RTL6: variants seen among roughly 807,000 people sequenced by gnomAD.
RTL6 encodes the protein retrotransposon Gag-like protein 6.
Under a neutral mutation model 12.4 loss-of-function variants are expected in RTL6, and 9 were observed. The observed-to-expected ratio is 0.73, with a 90% CI of 0.44 to 1.27. The LOEUF (loss-of-function observed/expected upper bound fraction) is 1.27. Among genes scored for constraint, RTL6 ranks in the 50% most tolerant of loss-of-function variants. The pLI, the probability that RTL6 is intolerant of heterozygous loss-of-function variation, is 0.00. For synonymous variants in RTL6, 160 were observed against 142.8 expected, an observed-to-expected ratio of 1.12 and a Z score of -0.86; for missense variants, 291 against 330.7, an observed-to-expected ratio of 0.88 and a Z score of 0.93.
rs1924480344 is a variant in RTL6 at position 44,497,285 on chromosome 22, G to C, written c.272C>G (p.Thr91Ser). 6.2e-7 allele frequency: 1 copy of C among 1,614,236 alleles called. No homozygotes were observed. Among genetic ancestry groups the C allele is most frequent in the African/African-American group, 1.3e-5 (1 of 75,078 alleles). Residue 91 changes from threonine to serine, a missense_variant, in exon 2 of 2, where the codon ACT becomes AGT. Physicochemically the swap from Thr to Ser is moderately conservative, Grantham distance 58. Coordinates refer to ENST00000341255, the MANE Select transcript of RTL6 (RefSeq NM_032287.3). ...GGTTGGAGGTGTGGTCATGGGTCGA[G>C]TCCCGTTTGAAGTAATTGAGGAGAT... ...PPISSITSNGTRPMTTPPTSL... is the reference protein window; with the variant it reads ...PPISSITSNGSRPMTTPPTSL...
Position 44,497,317 on chromosome 22 carries a change from G to T in RTL6, c.240C>A (p.Thr80=). ...TTGAAGTAATTGAGGAGATGGGCGG[G>T]GTGATCTGCAGAGCCCCCGGGATCC... ...RARIPGALQI[T]PPISSITSNG... The change falls in exon 2 of 2, where the codon ACC becomes ACA. Residue 80 remains threonine (T), a synonymous_variant. Coordinates refer to ENST00000341255, the MANE Select transcript of RTL6 (RefSeq NM_032287.3). The T allele has an allele frequency of 2.5e-6, 4 of 1,613,832 alleles. No homozygotes were observed. Among genetic ancestry groups the T allele is most frequent in the Non-Finnish European group, 3.4e-6 (4 of 1,179,736 alleles).
In RTL6 at chr22:44,497,622, G is replaced by A; in HGVS notation, c.-66C>T. 2 of 1,553,932 alleles carry A rather than the reference G, an allele frequency of 1.3e-6. No homozygotes were observed. The highest frequency in any genetic ancestry group is 1.2e-5 in the South Asian group (1 of 81,646). On this transcript the variant is annotated 5_prime_UTR_variant, in exon 2 of 2. Transcript: ENST00000341255. ...ACCAAGAGGGTGTGGTGACCAGGTG[G>A]GCCCCTGTAGAAATGGGGGCAGTGT...
Position 44,497,525 on chromosome 22 carries a change from C to G in RTL6, c.32G>C (p.Ser11Thr). Residue 11 changes from serine (S) to threonine (T), a missense_variant, in exon 2 of 2, where the codon AGC (serine) becomes ACC (threonine). Around this residue, in one of 3 missense-constraint regions of RTL6, gnomAD observed 155 missense variants for 149.2 expected, o/e 1.04. Coordinates refer to ENST00000341255, the MANE Select transcript of RTL6 (RefSeq NM_032287.3). MVQPQTSKAE[S>T]PALAASPNAQ... is the part of the protein sequence containing the mutation. Reference sequence around the variant, plus strand: ...ATTCGGAGACGCTGCCAAGGCTGGGCTTTCAGCTTTGGACGTCTGCGGCTG... The same window carrying G: ...ATTCGGAGACGCTGCCAAGGCTGGGGTTTCAGCTTTGGACGTCTGCGGCTG... The G allele has an allele frequency of 2.5e-6, 4 of 1,614,010 alleles. No homozygotes were observed. The highest frequency in any genetic ancestry group is 3.4e-6 in the Non-Finnish European group (4 of 1,180,008).
Position 44,496,835 on chromosome 22 carries a change from T to G in RTL6, c.*2A>C. On this transcript the variant is annotated 3_prime_UTR_variant, in exon 2 of 2. Coordinates refer to ENST00000341255, the MANE Select transcript of RTL6 (RefSeq NM_032287.3). Reference sequence around the variant, plus strand: ...CAGACGCTACCAAGTGCTGGCGGATTCTTAAAGATTCCGTGCTCGGGCAGG... The same window carrying G: ...CAGACGCTACCAAGTGCTGGCGGATGCTTAAAGATTCCGTGCTCGGGCAGG... The G allele has an allele frequency of 6.5e-7, 1 of 1,546,276 alleles. No individual in the cohort carries two copies. Among genetic ancestry groups the G allele is most frequent in the East Asian group, 2.3e-5 (1 of 44,200 alleles).
At position 44,493,119 on chromosome 22, in the gene RTL6, G is replaced by GAGAT. The variant is rs1246651696; in HGVS notation, c.*3714_*3717dup. On this transcript the variant is annotated 3_prime_UTR_variant, in exon 2 of 2. Coordinates refer to ENST00000341255, the MANE Select transcript of RTL6 (RefSeq NM_032287.3). ...ATAAAATATTTAGTAATCATAAGGGGAGATGCCCACGATATGCTAAGTGAA... is the reference window on the plus strand; with the variant it reads ...ATAAAATATTTAGTAATCATAAGGGGAGATAGATGCCCACGATATGCTAAGTGAA... 3 of 152,158 alleles carry GAGAT rather than the reference G, an allele frequency of 2.0e-5. No homozygotes were observed. Among genetic ancestry groups the GAGAT allele is most frequent in the Non-Finnish European group, 2.9e-5 (2 of 68,034 alleles). 9.4% of individuals were successfully genotyped at this position (152,158 alleles called of 1,614,324 possible). A position where few individuals can be genotyped will look rare whatever the true frequency, so the allele number is the denominator to read the frequency against.
Position 44,495,896 on chromosome 22 carries a change from AG to A in RTL6, c.*940del. Reference sequence around the variant, plus strand: ...AGGCTCGCCATCAGTGACAGGGGGTAGAAGCAGGAGTGACTGAGCATCAGCC... The same window carrying A: ...AGGCTCGCCATCAGTGACAGGGGGTAAAGCAGGAGTGACTGAGCATCAGCC... On this transcript the variant is annotated 3_prime_UTR_variant, in exon 2 of 2. Transcript: ENST00000341255. 1 of 152,400 alleles carries A rather than the reference AG, an allele frequency of 6.6e-6. No homozygotes were observed. The highest frequency in any genetic ancestry group is 6.5e-5 in the Admixed American group (1 of 15,282). The allele number at this position is 152,400 out of a possible 1,614,324, so 9.4% of individuals were successfully genotyped here.
At position 44,497,057 on chromosome 22, in the gene RTL6, T is replaced by C. The variant is rs764076282; in HGVS notation, c.500A>G (p.Gln167Arg). ...TCTCCGCAACTCTGCCAGGAACCCC[T>C]GATAGTTGTTGCGCAAGGGGCTGTC... ...QPDSPLRNNY[Q>R]GFLAELRRTY... Residue 167 changes from glutamine to arginine, a missense_variant, in exon 2 of 2, where the codon CAG (glutamine) becomes CGG (arginine). By Grantham distance (43) the Gln-to-Arg change is conservative. Coordinates refer to ENST00000341255, the MANE Select transcript of RTL6 (RefSeq NM_032287.3). 2 of 1,614,058 alleles carry C rather than the reference T, an allele frequency of 1.2e-6. No homozygotes were observed. The highest frequency in any genetic ancestry group is 1.1e-5 in the South Asian group (1 of 91,084).
rs749205778 is a variant in RTL6, at chr22:44,497,386, C to T, written c.171G>A (p.Leu57=). 5.0e-6 allele frequency: 8 copies of T among 1,613,808 alleles called. No individual in the cohort carries two copies. In the South Asian group the frequency reaches 5.5e-5, roughly 11 times the overall value. Residue 57 remains leucine (L), a synonymous_variant, in exon 2 of 2, where the codon CTG becomes CTA. Coordinates refer to ENST00000341255, the MANE Select transcript of RTL6 (RefSeq NM_032287.3). The part of the protein sequence containing the change: ...RAEKANLTNM[L]ESVMAELTLL... The stretch of plus-strand genomic sequence containing the variant: ...AGGTCAGCTCTGCCATCACGCTCTC[C>T]AGCATGTTGGTGAGATTGGCCTTCT...
In RTL6 at chr22:44,497,542, C is replaced by T; in HGVS notation, c.15G>A (p.Gln5=). Residue 5 remains glutamine, a synonymous_variant, in exon 2 of 2, where the codon CAG becomes CAA. Coordinates refer to ENST00000341255, the MANE Select transcript of RTL6 (RefSeq NM_032287.3). The part of the protein sequence containing the change: MVQP[Q]TSKAESPALA... ...AGGCTGGGCTTTCAGCTTTGGACGTCTGCGGCTGCACCATGCTGGCCAGAG... is the reference window on the plus strand; with the variant it reads ...AGGCTGGGCTTTCAGCTTTGGACGTTTGCGGCTGCACCATGCTGGCCAGAG... The T allele has an allele frequency of 1.9e-6, 3 of 1,613,652 alleles. No homozygotes were observed. Among genetic ancestry groups the T allele is most frequent in the Non-Finnish European group, 8.5e-7 (1 of 1,179,908 alleles).
In RTL6 at chr22:44,495,669, C is replaced by CCG. The variant is rs539147495; in HGVS notation, c.*1167_*1168insCG. ...GGTTGCCAGAGGCAGACACCCCCCC[C>CCG]GGCCTTAAGTGCTTAAGGATGTTTC... On this transcript the variant is annotated 3_prime_UTR_variant, in exon 2 of 2. Coordinates refer to ENST00000341255, the MANE Select transcript of RTL6 (RefSeq NM_032287.3). The CCG allele has an allele frequency of 1.7e-3, 262 of 152,290 alleles. 1 individual carries two copies. The highest frequency in any genetic ancestry group is 6.2e-3 in the African/African-American group (257 of 41,532). The allele number at this position is 152,290 out of a possible 1,614,324, so 9.4% of individuals were successfully genotyped here.
chr22:44,497,249 T>G lies in RTL6; in HGVS notation c.308A>C (p.Glu103Ala), dbSNP rs1183405118. ...PMTTPPTSLP[E>A]PFSGDPGRLA... ...CCGGCCTGGGTCCCCGGAAAAGGGC[T>G]CGGGCAGAGAGGTTGGAGGTGTGGT... Residue 103 changes from glutamate to alanine, a missense_variant, in exon 2 of 2, where the codon GAG becomes GCG. Glu to Ala is a moderately radical substitution (Grantham distance 107, BLOSUM62 -1). Transcript: ENST00000341255. 2 of 1,614,164 alleles carry G rather than the reference T, an allele frequency of 1.2e-6. No homozygotes were observed. Among genetic ancestry groups the G allele is most frequent in the Non-Finnish European group, 1.7e-6 (2 of 1,180,036 alleles).
chr22:44,497,199 C>A lies in RTL6; in HGVS notation c.358G>T (p.Asp120Tyr). Residue 120 changes from aspartate (D) to tyrosine (Y), a missense_variant, in exon 2 of 2, where the codon GAC becomes TAC. Physicochemically the swap from Asp to Tyr is radical, Grantham distance 160. Transcript: ENST00000341255. ...GRLAGFLMQM[D>Y]RFMIFQASRF... ...GAGGCCTGGAAGATCATGAATCTGT[C>A]CATCTGCATCAGGAACCCCGCCAAC... The A allele has an allele frequency of 6.2e-7, 1 of 1,614,152 alleles. No individual in the cohort carries two copies. The highest frequency in any genetic ancestry group is 1.1e-5 in the South Asian group (1 of 91,086).
rs1924444616 is a variant in RTL6 at position 44,496,282 on chromosome 22, A to T, written c.*555T>A. ...CCACTCGACCACTACAGCACAGATG[A>T]GGCCCTGCCCGCTGCACCGGGCCCT... is the stretch of plus-strand genomic sequence containing the variant. On this transcript the variant is annotated 3_prime_UTR_variant, in exon 2 of 2. Transcript: ENST00000341255. 6.4e-6 allele frequency: 1 copy of T among 155,276 alleles called. No homozygotes were observed. The highest frequency in any genetic ancestry group is 1.4e-5 in the Non-Finnish European group (1 of 70,396). 9.6% of individuals were successfully genotyped at this position (155,276 alleles called of 1,614,324 possible). A position where few individuals can be genotyped will look rare whatever the true frequency, so the allele number is the denominator to read the frequency against.
In RTL6 at chr22:44,497,672, C is replaced by T. The variant is rs575468369; in HGVS notation, c.-116G>A. ...TGGGGTGCACGACGGCAGGGCGCTG[C>T]GAGACCCCCAAGCCGAGGGCCCGAG... On this transcript the variant is annotated 5_prime_UTR_variant, in exon 2 of 2. Transcript: ENST00000341255. The T allele has an allele frequency of 1.4e-5, 20 of 1,387,756 alleles. No homozygotes were observed. In the East Asian group the frequency reaches 5.0e-4, roughly 35 times the overall value. 86.0% of individuals were successfully genotyped at this position (1,387,756 alleles called of 1,614,324 possible).
rs1289732882 is a variant in RTL6 at position 44,494,888 on chromosome 22, GCCA to G, written c.*1946_*1948del. ...ACCTTCCAGGTGCCTTTTCCCAGGT[GCCA>G]CTGTACCCCTTCACTTGGGGGCACC... is the stretch of plus-strand genomic sequence containing the variant. On this transcript the variant is annotated 3_prime_UTR_variant, in exon 2 of 2. Transcript: ENST00000341255. 2 of 152,608 alleles carry G rather than the reference GCCA, an allele frequency of 1.3e-5. No individual in the cohort carries two copies. The highest frequency in any genetic ancestry group is 3.9e-4 in the East Asian group (2 of 5,188). The allele number at this position is 152,608 out of a possible 1,614,324, so 9.5% of individuals were successfully genotyped here.
At position 44,497,420 on chromosome 22, in the gene RTL6, AGGGTGGAAG is replaced by A; in HGVS notation, c.128_136del (p.Ala43_Leu46delinsVal). On this transcript the variant is annotated inframe_deletion, in exon 2 of 2. Transcript: ENST00000341255. ...GGTGAGATTGGCCTTCTCCGCCCGC[AGGGTGGAAG>A]CCTCCCGCCTCAGCGCCGAGTTGGT... is the stretch of plus-strand genomic sequence containing the variant. The A allele has an allele frequency of 6.2e-7, 1 of 1,614,094 alleles. No homozygotes were observed. The highest frequency in any genetic ancestry group is 8.5e-7 in the Non-Finnish European group (1 of 1,180,020).
rs1360707558 is a variant in RTL6, at chr22:44,493,537, T to C, written c.*3300A>G. 1 of 152,264 alleles carries C rather than the reference T, an allele frequency of 6.6e-6. No individual in the cohort carries two copies. Among genetic ancestry groups the C allele is most frequent in the Non-Finnish European group, 1.5e-5 (1 of 68,118 alleles). 9.4% of individuals were successfully genotyped at this position (152,264 alleles called of 1,614,324 possible). A position where few individuals can be genotyped will look rare whatever the true frequency, so the allele number is the denominator to read the frequency against. ...CCCCTACTCTGGGGAGCTTCTCCTGTTGGCCCAACAGTCTGCTCTTGCTTC... is the reference window on the plus strand; with the variant it reads ...CCCCTACTCTGGGGAGCTTCTCCTGCTGGCCCAACAGTCTGCTCTTGCTTC... On this transcript the variant is annotated 3_prime_UTR_variant, in exon 2 of 2. Coordinates refer to ENST00000341255, the MANE Select transcript of RTL6 (RefSeq NM_032287.3).
Position 44,494,875 on chromosome 22 carries a change from C to T in RTL6, c.*1962G>A, listed in dbSNP as rs1384985721. On this transcript the variant is annotated 3_prime_UTR_variant, in exon 2 of 2. Coordinates refer to ENST00000341255, the MANE Select transcript of RTL6 (RefSeq NM_032287.3). Reference sequence around the variant, plus strand: ...GGGCCACATGGAAACCTTCCAGGTGCCTTTTCCCAGGTGCCACTGTACCCC... The same window carrying T: ...GGGCCACATGGAAACCTTCCAGGTGTCTTTTCCCAGGTGCCACTGTACCCC... 4 of 152,586 alleles carry T rather than the reference C, an allele frequency of 2.6e-5. No homozygotes were observed. The highest frequency in any genetic ancestry group is 5.9e-5 in the Non-Finnish European group (4 of 68,094). The allele number at this position is 152,586 out of a possible 1,614,324, so 9.5% of individuals were successfully genotyped here. A position where few individuals can be genotyped will look rare whatever the true frequency, so the allele number is the denominator to read the frequency against.
At position 44,497,100 on chromosome 22, in the gene RTL6, T is replaced by C. The variant is rs755346474; in HGVS notation, c.457A>G (p.Ile153Val). The C allele has an allele frequency of 5.0e-6, 8 of 1,614,160 alleles. No homozygotes were observed. The highest frequency in any genetic ancestry group is 1.3e-5 in the African/African-American group (1 of 75,068). The part of the protein sequence containing the change: ...RLTGEAEKWA[I>V]PHMQPDSPLR... ...GGGCTGTCAGGTTGCATGTGGGGGA[T>C]AGCCCACTTCTCCGCCTCCCCAGTC... Residue 153 changes from isoleucine to valine, a missense_variant, in exon 2 of 2, where the codon ATC (isoleucine) becomes GTC (valine). Coordinates refer to ENST00000341255, the MANE Select transcript of RTL6 (RefSeq NM_032287.3).
Sources: allele counts gnomAD v4.1 joint callset, GRCh38; gene constraint gnomAD v4.1.1; regional missense constraint gnomAD v4.1.1; transcripts MANE v1.5; gene names NCBI Gene and HGNC (gene_info 2026-07-23, HGNC 2026-07-21).